RPAP3: variants seen among roughly 807,000 people sequenced by gnomAD.
RPAP3 encodes the protein RNA polymerase II associated protein 3.
Under a neutral mutation model 88.8 loss-of-function variants are expected in RPAP3, and 58 were observed. The observed-to-expected ratio is 0.65, with a 90% confidence interval of 0.53 to 0.81. The LOEUF (loss-of-function observed/expected upper bound fraction) is 0.81, where lower values mean the gene tolerates loss of function less well. Ranked by LOEUF, RPAP3 falls within the 40% of genes least tolerant of loss-of-function variation. The pLI is 0.00. For synonymous variants in RPAP3, 255 were observed against 259.9 expected, an observed-to-expected ratio of 0.98 and a Z score of 0.18; for missense variants, 751 against 764.3, an observed-to-expected ratio of 0.98 and a Z score of 0.20.
intron 8 of RPAP3, 76 bp downstream of exon 8, chr12:47,687,800 A>C: frequency 6.8e-7 from 1 of 1,480,848 alleles, no homozygotes; most frequent in Non-Finnish European, 9.1e-7. Context: ...AGAAGAAAGA[A>C]ATTAACTGAT....
intron 6 of RPAP3, among the ~76,000 whole-genome samples, chr12:47,689,810 G>A (rs1428942119): frequency 6.6e-6 from 1 of 152,174 alleles, no homozygotes; most frequent in Non-Finnish European, 1.5e-5. Context: ...GGGAGGCCGA[G>A]GTGGGCAGAT....
At chr12:47,686,713 G>A in intron 9 of RPAP3, 67 bp downstream of exon 9, 1 of 1,247,824 alleles carries the variant, frequency 8.0e-7, no homozygotes, top group Non-Finnish European at 1.1e-6. Flanking sequence ...GGTAACTTAT[G>A]GTAAAAATTT....
intron 6 of RPAP3, among the ~76,000 whole-genome samples, chr12:47,689,665 C>T (rs1412772163): frequency 1.3e-5 from 2 of 152,136 alleles, no homozygotes; most frequent in Non-Finnish European, 2.9e-5. Context: ...TTCTTCTCCC[C>T]CCAGGGCAGA....
At chr12:47,666,647 C>G (rs1410892299) in intron 16 of RPAP3, among the ~76,000 whole-genome samples, 1 of 152,140 alleles carries the variant, frequency 6.6e-6, no homozygotes, top group Non-Finnish European at 1.5e-5. Context: ...TGGAGTTGGA[C>G]TGCCTGGGTT....
rs1469650739 is a variant in RPAP3, at chr12:47,679,567, C to A, written c.1213G>T (p.Asp405Tyr). The A allele has an allele frequency of 6.2e-7, 1 of 1,605,566 alleles. No individual in the cohort carries two copies. The highest frequency in any genetic ancestry group is 8.5e-7 in the Non-Finnish European group (1 of 1,174,986). ...CTTTGTGTGGAATCAAGAAAGACAT[C>A]ATCCCAGTGTCCTTTCTCAATTAAT... is the stretch of plus-strand genomic sequence containing the variant. The part of the protein sequence containing the change: ...KELIEKGHWD[D>Y]VFLDSTQRQN... The change falls in exon 12 of 17, where the codon GAT becomes TAT. Residue 405 changes from aspartate to tyrosine, a missense_variant. Coordinates refer to ENST00000005386, the MANE Select transcript of RPAP3 (RefSeq NM_024604.3).
intron 3 of RPAP3, among the ~76,000 whole-genome samples, chr12:47,698,930 A>T (rs565778930): frequency 6.6e-6 from 1 of 152,362 alleles, no homozygotes; most frequent in South Asian, 2.1e-4. Context: ...AAAAATAAAA[A>T]AATTATGCAT....
chr12:47,672,002 TGAGA>T lies in RPAP3; in HGVS notation c.1288-1661_1288-1658del, dbSNP rs750612256. Among the ~76,000 whole-genome samples, 5 of 137,816 alleles carry T rather than the reference TGAGA, an allele frequency of 3.6e-5. No individual in the cohort carries two copies. The East Asian group carries it at 6.4e-4, about 18-fold the overall frequency. The allele number at this position is 137,816 out of a possible 152,430, so 90.4% of individuals were successfully genotyped here. A position where few individuals can be genotyped will look rare whatever the true frequency, so the allele number is the denominator to read the frequency against. ...ATATTGTGACCATTTAAAAAAAAAG[TGAGA>T]GAGAGAGAGAAGAACAAAGGAATAA... On this transcript the variant is annotated intron_variant, in intron 12 of 16. Transcript: ENST00000005386.
At chr12:47,679,038 G>C (rs1020290740) in intron 12 of RPAP3, among the ~76,000 whole-genome samples, 1 of 152,172 alleles carries the variant, frequency 6.6e-6, no homozygotes, top group Non-Finnish European at 1.5e-5. Context: ...AGAAAATGTG[G>C]CACATATACA....
At chr12:47,677,709 AAGG>A (rs1306496447) in intron 12 of RPAP3, among the ~76,000 whole-genome samples, 1 of 152,112 alleles carries the variant, frequency 6.6e-6, no homozygotes, top group Non-Finnish European at 1.5e-5. Context: ...AATTCTCTTC[AAGG>A]AGAACTACAA....
At chr12:47,666,535 G>A (rs1303976574) in intron 16 of RPAP3, among the ~76,000 whole-genome samples, 1 of 152,072 alleles carries the variant, frequency 6.6e-6, no homozygotes, top group Non-Finnish European at 1.5e-5. Flanking sequence ...CCTGTACCTC[G>A]CCCAGTTACA....
intron 3 of RPAP3, among the ~76,000 whole-genome samples, chr12:47,698,892 T>C (rs535429193): frequency 6.6e-5 from 10 of 152,310 alleles, no homozygotes; most frequent in African/African-American, 2.4e-4. Flanking sequence ...AACACTAAAG[T>C]TATTTACGTA....
intron 6 of RPAP3, among the ~76,000 whole-genome samples, chr12:47,690,006 C>T (rs1306200225): frequency 6.8e-6 from 1 of 147,740 alleles, no homozygotes; most frequent in Non-Finnish European, 1.5e-5. Context: ...CACACCATTG[C>T]ACTCCAGCCT....
chr12:47,667,120 A>G (rs1565712380), intron 15 of RPAP3, 40 bp from the exon 16 acceptor site: 1 of 920,368 alleles, frequency 1.1e-6, no homozygotes, highest in Non-Finnish European at 1.6e-6. Context: ...ATCAGTTAAA[A>G]GCAGCTCATT....
At chr12:47,675,098 T>TGAA (rs1939083355) in intron 12 of RPAP3, among the ~76,000 whole-genome samples, 1 of 152,202 alleles carries the variant, frequency 6.6e-6, no homozygotes, top group Admixed American at 6.5e-5. Flanking sequence ...ATGTTCAACA[T>TGAA]TCTTAATGAA....
At chr12:47,691,089 C>G (rs981073610) in intron 5 of RPAP3, among the ~76,000 whole-genome samples, 6 of 152,118 alleles carry the variant, frequency 3.9e-5, no homozygotes, top group African/African-American at 7.2e-5. Flanking sequence ...GCTGACCGAT[C>G]ACGGTGGTGG....
Position 47,670,116 on chromosome 12 carries a change from G to T in RPAP3, c.1517C>A (p.Ser506Ter). The change falls in exon 13 of 17, where the codon TCA (serine) becomes TAA (stop). Residue 506 changes from serine (S) to a stop codon, truncating the protein, a stop_gained. Coordinates refer to ENST00000005386, the MANE Select transcript of RPAP3 (RefSeq NM_024604.3). LOFTEE classifies it high-confidence loss of function. ...VLKIEEVSDT[S>*]SLQPQASLKQ... ...CAGTATTTCTACTCACTGCAGGGAT[G>T]AAGTATCACTGACTTCTTCTATTTT... 6.3e-7 allele frequency: 1 copy of T among 1,581,248 alleles called. No homozygotes were observed. The highest frequency in any genetic ancestry group is 1.1e-5 in the South Asian group (1 of 90,410).
intron 4 of RPAP3, 47 bp from the exon 5 acceptor site, chr12:47,696,450 T>A (rs1194009870): frequency 7.0e-7 from 1 of 1,432,066 alleles, no homozygotes; most frequent in Non-Finnish European, 9.5e-7. Flanking sequence ...ATTCTGAAAT[T>A]CACTACAGTT....
chr12:47,699,193 C>G (rs1939597483), intron 3 of RPAP3, among the ~76,000 whole-genome samples: 1 of 152,200 alleles, frequency 6.6e-6, no homozygotes, highest in Non-Finnish European at 1.5e-5. Context: ...CTATGCAGTA[C>G]AATCTTGATG....
chr12:47,678,046 C>G (rs1353913585), intron 12 of RPAP3, among the ~76,000 whole-genome samples: 1 of 152,186 alleles, frequency 6.6e-6, no homozygotes, highest in African/African-American at 2.4e-5. Context: ...GGTACCAAAA[C>G]AGAGATATAG....
Sources: gnomAD v4.1 joint callset for allele counts (sites outside exome capture counted in the v4.1 genomes callset) on GRCh38, gnomAD v4.1.1 for gene constraint, MANE v1.5 for transcripts, NCBI Gene and HGNC (gene_info 2026-07-23, HGNC 2026-07-21) for gene names.